ZEB1: variants seen among roughly 807,000 people sequenced by gnomAD.
The protein encoded by ZEB1 is zinc finger E-box binding homeobox 1, also known as zinc finger E-box-binding homeobox 1.
ZEB1 carries 21 observed loss-of-function variants against 84.9 expected under a neutral mutation model. That is an observed-to-expected ratio of 0.25 (90% CI 0.18 to 0.36). The LOEUF (loss-of-function observed/expected upper bound fraction) is 0.36. Ranked by LOEUF, ZEB1 falls within the 10% of genes least tolerant of loss-of-function variation. ZEB1 has a pLI of 1.00. For missense variants in ZEB1, 1,104 were observed against 1,330.2 expected, an observed-to-expected ratio of 0.83 and a Z score of 2.65; for synonymous variants, 420 against 471.1, an observed-to-expected ratio of 0.89 and a Z score of 1.41.
At chr10:31,434,316 G>A (rs529234284) in intron 1 of ZEB1, among the ~76,000 whole-genome samples, 2 of 152,204 alleles carry the variant, frequency 1.3e-5, no homozygotes, top group East Asian at 3.9e-4. Flanking sequence ...AACCTTAGGA[G>A]GTAGGTTTTA....
intron 1 of ZEB1, among the ~76,000 whole-genome samples, chr10:31,421,388 A>G (rs1214684499): frequency 6.6e-6 from 1 of 152,150 alleles, no homozygotes; most frequent in Non-Finnish European, 1.5e-5. Flanking sequence ...TATATTGATA[A>G]AACAAATACA....
chr10:31,454,426 A>T (rs759545102), intron 1 of ZEB1, among the ~76,000 whole-genome samples: 1 of 152,196 alleles, frequency 6.6e-6, no homozygotes, highest in African/African-American at 2.4e-5. Flanking sequence ...GAGACTTGGC[A>T]TGCAAGAGAA....
chr10:31,490,568 C>T (rs2066390186), intron 2 of ZEB1, among the ~76,000 whole-genome samples: 1 of 151,632 alleles, frequency 6.6e-6, no homozygotes, highest in Non-Finnish European at 1.5e-5. Context: ...CTGAGACATT[C>T]TATCTTTCCA....
At chr10:31,518,910 C>T (rs764577450) in intron 6 of ZEB1, among the ~76,000 whole-genome samples, 103 of 152,210 alleles carry the variant, frequency 6.8e-4, no homozygotes, top group Non-Finnish European at 1.0e-3. Context: ...GAAAATATAA[C>T]TCACATGTTT....
chr10:31,320,929 GC>G (rs2033846126), intron 1 of ZEB1, among the ~76,000 whole-genome samples: 1 of 152,198 alleles, frequency 6.6e-6, no homozygotes, highest in Non-Finnish European at 1.5e-5. Context: ...GCCGGCCGCA[GC>G]CCAGGCTATA....
chr10:31,457,717 G>T (rs2061397594), intron 1 of ZEB1, among the ~76,000 whole-genome samples: 2 of 152,052 alleles, frequency 1.3e-5, no homozygotes, highest in South Asian at 4.1e-4. Flanking sequence ...TTGAGCTATG[G>T]TTGACTTGGG....
Position 31,520,730 on chromosome 10 carries a change from T to C in ZEB1, c.1398T>C (p.Val466=). 6.2e-7 allele frequency: 1 copy of C among 1,614,092 alleles called. No homozygotes were observed. Among genetic ancestry groups the C allele is most frequent in the Non-Finnish European group, 8.5e-7 (1 of 1,179,996 alleles). ...TTTCAGCCATCAGTCTTCCTTTGGT[T>C]GATCAAGATGGAACAACCAAAATTA... is the stretch of plus-strand genomic sequence containing the variant. ...SVISAISLPL[V]DQDGTTKIII... is the part of the protein sequence containing the mutation. Residue 466 remains valine (V), a synonymous_variant, in exon 7 of 9, where the codon GTT becomes GTC. Transcript: ENST00000424869. The surrounding 1 kb of genome is among the most constrained non-coding windows in gnomAD (Gnocchi z 5.1).
At chr10:31,460,417 G>A (rs938605599) in intron 1 of ZEB1, among the ~76,000 whole-genome samples, 11 of 152,110 alleles carry the variant, frequency 7.2e-5, no homozygotes, top group African/African-American at 2.4e-4. Context: ...ATAATGTAAT[G>A]CATGGATCAT....
chr10:31,390,162 A>G (rs1267151645), intron 1 of ZEB1, among the ~76,000 whole-genome samples: 1 of 152,214 alleles, frequency 6.6e-6, no homozygotes, highest in African/African-American at 2.4e-5. Flanking sequence ...ATTTGAGGCA[A>G]ACTTTTACCA....
chr10:31,387,628 A>T (rs2048859045), intron 1 of ZEB1: 1 of 511,906 alleles, frequency 2.0e-6, no homozygotes, highest in South Asian at 8.4e-5. Flanking sequence ...CATTTAGGCA[A>T]TCTAGTGACA....
chr10:31,429,733 CTTTT>C (rs35031058), intron 1 of ZEB1, among the ~76,000 whole-genome samples: 1 of 79,542 alleles, frequency 1.3e-5, no homozygotes, highest in South Asian at 4.3e-4. Context: ...ACAGGCAGAA[CTTTT>C]TTTTTTTTTT....
chr10:31,434,243 C>T (rs2058049281), intron 1 of ZEB1, among the ~76,000 whole-genome samples: 1 of 152,174 alleles, frequency 6.6e-6, no homozygotes, highest in Non-Finnish European at 1.5e-5. Flanking sequence ...CACTATAAAG[C>T]ACTGCTATGT....
intron 1 of ZEB1, among the ~76,000 whole-genome samples, chr10:31,384,964 C>A (rs1237751487): frequency 1.3e-5 from 2 of 152,056 alleles, no homozygotes; most frequent in Non-Finnish European, 2.9e-5. Flanking sequence ...TTCACCCCTT[C>A]CCCCCAAAGT....
At chr10:31,485,589 A>G (rs2138630920) in intron 2 of ZEB1, among the ~76,000 whole-genome samples, 1 of 152,066 alleles carries the variant, frequency 6.6e-6, no homozygotes, top group Non-Finnish European at 1.5e-5. Context: ...ACTGAGACCA[A>G]AACATTAAAA....
intron 1 of ZEB1, among the ~76,000 whole-genome samples, chr10:31,364,866 T>C (rs1468551905): frequency 6.6e-6 from 1 of 152,222 alleles, no homozygotes; most frequent in Non-Finnish European, 1.5e-5. Flanking sequence ...CACCGTGGCA[T>C]ATCTGTAATA....
chr10:31,514,191 C>G (rs1179035291), intron 5 of ZEB1, among the ~76,000 whole-genome samples: 1 of 152,096 alleles, frequency 6.6e-6, no homozygotes, highest in Non-Finnish European at 1.5e-5. Context: ...GAGCTTTAGA[C>G]AGGTTATTCA....
chr10:31,353,730 T>G (rs1447085176), intron 1 of ZEB1, among the ~76,000 whole-genome samples: 1 of 152,242 alleles, frequency 6.6e-6, no homozygotes, highest in Non-Finnish European at 1.5e-5. Context: ...AAGGTTTGAT[T>G]ATGAGTCAGC....
intron 1 of ZEB1, among the ~76,000 whole-genome samples, chr10:31,413,235 A>T (rs1446536437): frequency 6.6e-6 from 1 of 152,244 alleles, no homozygotes; most frequent in Non-Finnish European, 1.5e-5. Flanking sequence ...ATCTGCAAGC[A>T]ACTAAACAAG....
rs752269452 is a variant in ZEB1, at chr10:31,527,464, G to A, written c.*200G>A. 61 of 688,908 alleles carry A rather than the reference G, an allele frequency of 8.9e-5. No homozygotes were observed. Among genetic ancestry groups the A allele is most frequent in the Admixed American group, 6.5e-4 (21 of 32,072 alleles). 42.7% of individuals were successfully genotyped at this position (688,908 alleles called of 1,614,324 possible). A position where few individuals can be genotyped will look rare whatever the true frequency, so the allele number is the denominator to read the frequency against. Reference sequence around the variant, plus strand: ...ACACACACACACACAAAATAAATCCGGGTGTGCCTGAACCTCAGACCTAGT... The same window carrying A: ...ACACACACACACACAAAATAAATCCAGGTGTGCCTGAACCTCAGACCTAGT... On this transcript the variant is annotated 3_prime_UTR_variant, in exon 9 of 9. Transcript: ENST00000424869.
Sources: allele counts gnomAD v4.1 joint callset (sites outside exome capture counted in the v4.1 genomes callset), GRCh38; gene constraint gnomAD v4.1.1; non-coding constraint Gnocchi (gnomAD v3.1); transcripts MANE v1.5; gene names NCBI Gene and HGNC (gene_info 2026-07-23, HGNC 2026-07-21).